SMAD7: variants seen among roughly 807,000 people sequenced by gnomAD.
The protein encoded by SMAD7 is MAD (mothers against decapentaplegic, Drosophila) homolog 7.
SMAD7 carries 8 observed loss-of-function variants against 38.7 expected under a neutral mutation model. The observed-to-expected ratio is 0.21, with a 90% CI of 0.12 to 0.37. SMAD7 has a LOEUF of 0.37. Among genes scored for constraint, SMAD7 ranks in the 10% least tolerant of loss-of-function variants. The pLI is 1.00. For synonymous variants in SMAD7, 327 were observed against 265.1 expected, an observed-to-expected ratio of 1.23 and a Z score of -2.27; for missense variants, 477 against 577.9, an observed-to-expected ratio of 0.83 and a Z score of 1.79.
intron 3 of SMAD7, among the ~76,000 whole-genome samples, chr18:48,922,650 C>T (rs749298019): frequency 2.0e-5 from 3 of 152,162 alleles, no homozygotes; most frequent in Admixed American, 6.5e-5. Context: ...ACATGCAGAC[C>T]GGTATTAACC....
At chr18:48,938,147 G>T (rs765575232) in intron 3 of SMAD7, among the ~76,000 whole-genome samples, 4 of 152,216 alleles carry the variant, frequency 2.6e-5, no homozygotes, top group Non-Finnish European at 5.9e-5. Flanking sequence ...AGCCAGGGGT[G>T]CATTTTCAGA....
chr18:48,920,823 C>G lies in SMAD7; in HGVS notation c.*549G>C, dbSNP rs1430688628. Reference sequence around the variant, plus strand: ...CCCAGGCTGGGGACAGAGCCGTGCTCCTGGCAGCTGCTGGGACCCCAGCCG... The same window carrying G: ...CCCAGGCTGGGGACAGAGCCGTGCTGCTGGCAGCTGCTGGGACCCCAGCCG... On this transcript the variant is annotated 3_prime_UTR_variant, in exon 4 of 4. Coordinates refer to ENST00000262158, the MANE Select transcript of SMAD7 (RefSeq NM_005904.4). 6.5e-6 allele frequency: 1 copy of G among 153,316 alleles called. No individual in the cohort carries two copies. Among genetic ancestry groups the G allele is most frequent in the African/African-American group, 2.4e-5 (1 of 41,432 alleles). 9.5% of individuals were successfully genotyped at this position (153,316 alleles called of 1,614,324 possible). A position where few individuals can be genotyped will look rare whatever the true frequency, so the allele number is the denominator to read the frequency against.
intron 2 of SMAD7, among the ~76,000 whole-genome samples, chr18:48,946,002 G>A (rs1244554672): frequency 6.6e-6 from 1 of 152,184 alleles, no homozygotes; most frequent in Non-Finnish European, 1.5e-5. Flanking sequence ...GTACCTAGGT[G>A]TCTAAAGTCC....
In SMAD7 at chr18:48,950,157, C is replaced by G; in HGVS notation, c.268G>C (p.Ala90Pro). 1.3e-6 allele frequency: 2 copies of G among 1,490,952 alleles called. No individual in the cohort carries two copies. The highest frequency in any genetic ancestry group is 2.5e-5 in the South Asian group (2 of 78,718). The allele number at this position is 1,490,952 out of a possible 1,614,324, so 92.4% of individuals were successfully genotyped here. Residue 90 changes from alanine (A) to proline (P), a missense_variant, in exon 1 of 4, where the codon GCG becomes CCG. Physicochemically the swap from Ala to Pro is conservative, Grantham distance 27. Around this residue, in one of 2 missense-constraint regions of SMAD7, gnomAD observed 376 missense variants for 379.4 expected, o/e 0.99. Coordinates refer to ENST00000262158, the MANE Select transcript of SMAD7 (RefSeq NM_005904.4). The part of the protein sequence containing the change: ...AGAGAAGGAE[A>P]DLKALTHSVL... ...GAGTGCGTGAGCGCCTTCAGATCCG[C>G]CTCGGCGCCCCCGGCCGCGCCGGCG...
At chr18:48,938,161 T>C (rs927178336) in intron 3 of SMAD7, among the ~76,000 whole-genome samples, 9 of 152,194 alleles carry the variant, frequency 5.9e-5, no homozygotes, top group African/African-American at 1.9e-4. Flanking sequence ...TTTCAGATTA[T>C]ATAGGTATTT....
chr18:48,936,335 A>G (rs1281710559), intron 3 of SMAD7, among the ~76,000 whole-genome samples: 1 of 152,162 alleles, frequency 6.6e-6, no homozygotes, highest in East Asian at 1.9e-4. Context: ...ACCGCTGGCC[A>G]TTTTTTGGTC....
intron 3 of SMAD7, among the ~76,000 whole-genome samples, chr18:48,936,571 A>C (rs1323421747): frequency 6.6e-6 from 1 of 152,230 alleles, no homozygotes; most frequent in Non-Finnish European, 1.5e-5. Context: ...CTCTACAAAG[A>C]AGCAAGAAAG....
intron 3 of SMAD7, chr18:48,933,623 G>C (rs942755622): frequency 2.6e-5 from 4 of 152,614 alleles, no homozygotes; most frequent in Admixed American, 6.5e-5. Context: ...CAAGCACGGA[G>C]TCAGCCAGAA....
In SMAD7 at chr18:48,948,432, GA is replaced by G. The variant is rs1404848209; in HGVS notation, c.618del (p.Pro209LeufsTer115). The stretch of plus-strand genomic sequence containing the variant: ...GGGTATCTGGAGTAAGGAGGGGGGG[GA>G]GACTCTGAAATTAAAAAAGCAAGAG... ...HHLSRLCELE[S>X]PPPPYSRYPM... On this transcript the variant is annotated frameshift_variant, in exon 2 of 4. Coordinates refer to ENST00000262158, the MANE Select transcript of SMAD7 (RefSeq NM_005904.4). LOFTEE classifies it high-confidence loss of function. 1 of 1,593,352 alleles carries G rather than the reference GA, an allele frequency of 6.3e-7. No homozygotes were observed. Among genetic ancestry groups the G allele is most frequent in the Non-Finnish European group, 8.5e-7 (1 of 1,171,544 alleles).
intron 1 of SMAD7, among the ~76,000 whole-genome samples, chr18:48,948,734 G>A (rs1439956922): frequency 6.6e-6 from 1 of 152,200 alleles, no homozygotes; most frequent in East Asian, 1.9e-4. Context: ...TTCACAGGGC[G>A]GGGGGCGACC....
intron 3 of SMAD7, among the ~76,000 whole-genome samples, chr18:48,923,012 G>A (rs1005479596): frequency 6.6e-6 from 1 of 152,198 alleles, no homozygotes; most frequent in African/African-American, 2.4e-5. Flanking sequence ...CCTTAAGTAG[G>A]AGCCAGCGGG....
chr18:48,925,884 C>A (rs1440334831), intron 3 of SMAD7, among the ~76,000 whole-genome samples: 1 of 152,054 alleles, frequency 6.6e-6, no homozygotes, highest in Non-Finnish European at 1.5e-5. Context: ...GTAGCTGGGA[C>A]TACAGGCACC....
chr18:48,928,113 G>A lies in SMAD7; in HGVS notation c.743-6203C>T, dbSNP rs149969364. ...TCCCCTGCAGCAAGAAGTGGGGGGT[G>A]ATACGGCTTTTTTGCCAGCAAGCTG... On this transcript the variant is annotated intron_variant, in intron 3 of 3. Coordinates refer to ENST00000262158, the MANE Select transcript of SMAD7 (RefSeq NM_005904.4). Among the ~76,000 whole-genome samples, 19 of 152,342 alleles carry A rather than the reference G, an allele frequency of 1.2e-4. No homozygotes were observed. The East Asian group carries it at 3.5e-3, about 28-fold the overall frequency.
At chr18:48,940,051 A>T (rs1023551300) in intron 3 of SMAD7, among the ~76,000 whole-genome samples, 2 of 152,122 alleles carry the variant, frequency 1.3e-5, no homozygotes, top group Non-Finnish European at 2.9e-5. Flanking sequence ...CATTCTCGCT[A>T]CAAAGAGGAC....
chr18:48,930,649 T>C (rs2069987602), intron 3 of SMAD7, among the ~76,000 whole-genome samples: 1 of 151,938 alleles, frequency 6.6e-6, no homozygotes, highest in Non-Finnish European at 1.5e-5. Context: ...TCACTCCCTC[T>C]GCCCCAGGAT....
At chr18:48,927,962 T>C (rs2143768410) in intron 3 of SMAD7, among the ~76,000 whole-genome samples, 1 of 152,348 alleles carries the variant, frequency 6.6e-6, no homozygotes, top group African/African-American at 2.4e-5. Flanking sequence ...CCCAGAATAT[T>C]GCCTGGTGTG....
At chr18:48,938,469 C>G (rs1356603396) in intron 3 of SMAD7, among the ~76,000 whole-genome samples, 3 of 152,194 alleles carry the variant, frequency 2.0e-5, no homozygotes. Context: ...TCCATGGGAG[C>G]ACTTCTTTTG....
chr18:48,945,041 G>A (rs1385511095), intron 2 of SMAD7, among the ~76,000 whole-genome samples: 1 of 152,218 alleles, frequency 6.6e-6, no homozygotes, highest in Non-Finnish European at 1.5e-5. Context: ...CTCAGCAACT[G>A]CGTTCTGAGC....
intron 3 of SMAD7, among the ~76,000 whole-genome samples, chr18:48,931,337 A>G (rs1277552339): frequency 6.6e-6 from 1 of 152,230 alleles, no homozygotes; most frequent in Non-Finnish European, 1.5e-5. Flanking sequence ...ACCACAATAA[A>G]AGAAAAAGGC....
Sources: gnomAD v4.1 joint callset for allele counts (sites outside exome capture counted in the v4.1 genomes callset) on GRCh38, gnomAD v4.1.1 for gene constraint, gnomAD v4.1.1 regional missense constraint, MANE v1.5 for transcripts, NCBI Gene and HGNC (gene_info 2026-07-23, HGNC 2026-07-21) for gene names.